KCNB2: variants seen among roughly 807,000 people sequenced by gnomAD.
KCNB2 encodes the protein potassium voltage-gated channel subfamily B member 2.
KCNB2 carries 15 observed loss-of-function variants against 61.5 expected under a neutral mutation model. The ratio of observed to expected loss-of-function variants is 0.24; its 90% CI spans 0.16 to 0.38. The LOEUF (loss-of-function observed/expected upper bound fraction) is 0.38. KCNB2 is among the 10% of genes least tolerant of loss of function. The probability of loss-of-function intolerance (pLI) is 1.00; values close to 1 mark genes in which losing one functional copy is unlikely to be tolerated. For missense variants in KCNB2, 828 were observed against 1,125.2 expected (o/e 0.74, Z 3.78); for synonymous variants, 457 against 446.0 (o/e 1.02, Z -0.31).
intron 2 of KCNB2, among the ~76,000 whole-genome samples, chr8:72,680,316 C>T (rs894983394): frequency 1.3e-5 from 2 of 152,074 alleles, no homozygotes; most frequent in African/African-American, 4.8e-5. Context: ...GGGAGGTGAA[C>T]TCAGAAAGAT....
chr8:72,561,707 A>ACG (rs1228972375), intron 1 of KCNB2, among the ~76,000 whole-genome samples: 960 of 31,752 alleles, frequency 0.03, 76 homozygotes, highest in Non-Finnish European at 0.042. Flanking sequence ...ATATATATAT[A>ACG]TATATATATA....
intron 2 of KCNB2, among the ~76,000 whole-genome samples, chr8:72,584,127 C>T (rs887033829): frequency 3.6e-4 from 54 of 151,618 alleles, no homozygotes; most frequent in African/African-American, 1.3e-3. Flanking sequence ...AGAAAAAAAC[C>T]GTTTAGAGGA....
rs199549897 is a variant in KCNB2, at chr8:72,850,373, C to CA, written c.580-85560dup. On this transcript the variant is annotated intron_variant, in intron 2 of 2. Coordinates refer to ENST00000523207, the MANE Select transcript of KCNB2 (RefSeq NM_004770.3). ...TAACTGGAACCACAGGTGCCTGACA[C>CA]AATGCCTAGCTAAGTTTTTGTATTT... is the stretch of plus-strand genomic sequence containing the variant. 7.0e-3 allele frequency among the ~76,000 whole-genome samples: 1,063 copies of CA among 152,172 alleles called. 5 individuals are homozygous for CA. The highest frequency in any genetic ancestry group is 1.0e-2 in the Non-Finnish European group (679 of 68,008).
intron 1 of KCNB2, among the ~76,000 whole-genome samples, chr8:72,564,373 G>C (rs1192709433): frequency 6.6e-6 from 1 of 152,112 alleles, no homozygotes; most frequent in East Asian, 1.9e-4. Context: ...GTTAAAAAAT[G>C]ATTTATCTTC....
chr8:72,715,460 T>C (rs1294393118), intron 2 of KCNB2, among the ~76,000 whole-genome samples: 1 of 152,096 alleles, frequency 6.6e-6, no homozygotes. Context: ...TAACAAACTG[T>C]CTCTCAGACC....
chr8:72,660,729 C>T (rs1244183070), intron 2 of KCNB2: 1 of 152,148 alleles, frequency 6.6e-6, no homozygotes, highest in African/African-American at 2.4e-5. Context: ...GTATTTTATA[C>T]ATGTCCAGTC....
At chr8:72,546,887 T>C (rs1806268140) in intron 1 of KCNB2, among the ~76,000 whole-genome samples, 1 of 152,234 alleles carries the variant, frequency 6.6e-6, no homozygotes, top group African/African-American at 2.4e-5. Flanking sequence ...TAAACAGGCT[T>C]CTGTTGAAAG....
At chr8:72,905,463 TAA>T (rs1585966188) in intron 2 of KCNB2, among the ~76,000 whole-genome samples, 1 of 149,868 alleles carries the variant, frequency 6.7e-6, no homozygotes. Context: ...ACTAAAATTA[TAA>T]GAGGGTTAGA....
chr8:72,749,596 A>T (rs1225163020), intron 2 of KCNB2, among the ~76,000 whole-genome samples: 1 of 151,352 alleles, frequency 6.6e-6, no homozygotes, highest in Non-Finnish European at 1.5e-5. Context: ...AAGCCAACCT[A>T]CTTATTATTG....
intron 2 of KCNB2, among the ~76,000 whole-genome samples, chr8:72,668,080 A>G (rs1347084242): frequency 6.6e-6 from 1 of 152,352 alleles, no homozygotes; most frequent in East Asian, 1.9e-4. Flanking sequence ...AAAAAGACAC[A>G]TAGTTTGGAA....
intron 2 of KCNB2, among the ~76,000 whole-genome samples, chr8:72,600,272 G>T (rs1206922858): frequency 1.3e-5 from 2 of 152,104 alleles, no homozygotes; most frequent in Non-Finnish European, 2.9e-5. Flanking sequence ...CATAAAAAAT[G>T]ATGAGTTCAT....
chr8:72,854,052 T>C (rs1172392008), intron 2 of KCNB2, among the ~76,000 whole-genome samples: 1 of 152,224 alleles, frequency 6.6e-6, no homozygotes, highest in East Asian at 1.9e-4. Flanking sequence ...ATTAGAACCA[T>C]TTAGGGCTAT....
intron 2 of KCNB2, among the ~76,000 whole-genome samples, chr8:72,668,463 G>C (rs183756961): frequency 6.6e-6 from 1 of 152,130 alleles, no homozygotes; most frequent in African/African-American, 2.4e-5. Context: ...GCTGGTCAAA[G>C]GTCAGACTGT....
chr8:72,549,205 G>T lies in KCNB2; in HGVS notation c.-94+11320G>T, dbSNP rs368579165. Among the ~76,000 whole-genome samples, 100 of 152,182 alleles carry T rather than the reference G, an allele frequency of 6.6e-4. 1 individual carries two copies. The South Asian group carries it at 0.013, about 19-fold the overall frequency. Reference sequence around the variant, plus strand: ...GGGCATGGCAGGGTCCAGGCATTTCGTCTTCTATATCCCTTTCCTTGCTTG... The same window carrying T: ...GGGCATGGCAGGGTCCAGGCATTTCTTCTTCTATATCCCTTTCCTTGCTTG... On this transcript the variant is annotated intron_variant, in intron 1 of 2. Transcript: ENST00000523207.
intron 2 of KCNB2, among the ~76,000 whole-genome samples, chr8:72,647,774 G>T (rs1247052722): frequency 6.6e-6 from 1 of 152,112 alleles, no homozygotes; most frequent in Non-Finnish European, 1.5e-5. Flanking sequence ...AGGCAGCTGT[G>T]CCCCCTAGCT....
intron 2 of KCNB2, among the ~76,000 whole-genome samples, chr8:72,631,280 C>A (rs758789000): frequency 3.3e-5 from 5 of 152,120 alleles, no homozygotes; most frequent in Admixed American, 1.3e-4. Context: ...TATTGCCTTG[C>A]CATTCTGGAG....
At chr8:72,848,036 TTC>T (rs1810028834) in intron 2 of KCNB2, among the ~76,000 whole-genome samples, 1 of 152,240 alleles carries the variant, frequency 6.6e-6, no homozygotes, top group South Asian at 2.1e-4. Context: ...AGCTTTCACT[TTC>T]TGTTATTTCA....
chr8:72,655,338 A>G (rs1372204719), intron 2 of KCNB2, among the ~76,000 whole-genome samples: 3 of 152,062 alleles, frequency 2.0e-5, no homozygotes, highest in Admixed American at 6.6e-5. Context: ...AAAACTACCT[A>G]TTGGGTACTA....
At chr8:72,819,252 T>G (rs1809452613) in intron 2 of KCNB2, among the ~76,000 whole-genome samples, 1 of 151,588 alleles carries the variant, frequency 6.6e-6, no homozygotes, top group African/African-American at 2.4e-5. Flanking sequence ...ACCCAGTCAC[T>G]AAGCTACCCC....
Sources: gnomAD v4.1 joint callset for allele counts (sites outside exome capture counted in the v4.1 genomes callset) on GRCh38, gnomAD v4.1.1 for gene constraint, MANE v1.5 for transcripts, NCBI Gene and HGNC (gene_info 2026-07-23, HGNC 2026-07-21) for gene names.